Variants in RAB37 observed in about 807,000 individuals in gnomAD.
The protein encoded by RAB37 is RAB37, member RAS oncogene family, also known as ras-related protein Rab-37.
Under a neutral mutation model 33.1 loss-of-function variants are expected in RAB37, and 29 were observed. That is an observed-to-expected ratio of 0.88 (90% CI 0.65 to 1.20). RAB37 has a LOEUF of 1.20. RAB37 is among the 50% of genes most tolerant of loss of function. RAB37 has a pLI of 0.00. For missense variants in RAB37, 299 were observed against 301.1 expected (o/e 0.99, Z 0.05); for synonymous variants, 128 against 119.5 (o/e 1.07, Z -0.47).
At position 74,742,877 on chromosome 17, in the gene RAB37, G is replaced by A. The variant is rs993539477; in HGVS notation, c.247-252G>A. On this transcript the variant is annotated intron_variant, in intron 3 of 8. Coordinates refer to ENST00000392613, the MANE Select transcript of RAB37 (RefSeq NM_001006638.3). This position sits in a 1 kb window ranked among gnomAD's most constrained non-coding sequence, Gnocchi z 4.0. ...CCTGACCTCGTGATCCGCCTGCCTC[G>A]GCCTCCCAAAGTGCTGGGATTACAG... 1.3e-4 allele frequency among the ~76,000 whole-genome samples: 20 copies of A among 152,108 alleles called. 1 individual carries two copies. In the East Asian group the frequency reaches 2.1e-3, roughly 16 times the overall value.
At chr17:74,740,942 G>A in intron 2 of RAB37, 64 bp downstream of exon 2, 7 of 1,249,406 alleles carry the variant, frequency 5.6e-6, no homozygotes, top group South Asian at 1.2e-5. Context: ...GCATGGGGGG[G>A]TTGCCCCCAC....
At chr17:74,701,776 G>A (rs117244079) in intron 1 of RAB37, among the ~76,000 whole-genome samples, 1,544 of 151,880 alleles carry the variant, frequency 0.01, 26 homozygotes, top group Admixed American at 0.036. Flanking sequence ...CATGAACCTG[G>A]GAGGTGGAAG....
rs966776835 is a variant in RAB37 at position 74,742,612 on chromosome 17, CTT to C, written c.246+325_246+326del. Among the ~76,000 whole-genome samples, 4 of 151,070 alleles carry C rather than the reference CTT, an allele frequency of 2.6e-5. No homozygotes were observed. Among genetic ancestry groups the C allele is most frequent in the African/African-American group, 9.7e-5 (4 of 41,142 alleles). On this transcript the variant is annotated intron_variant, in intron 3 of 8. Transcript: ENST00000392613. The surrounding 1 kb of genome is among the most constrained non-coding windows in gnomAD (Gnocchi z 4.0). ...CTGAGCTAGGGGAGAGGAGAAGATT[CTT>C]TTTTTTTCTTTTCTTTTCTTTTTTT... is the stretch of plus-strand genomic sequence containing the variant.
chr17:74,721,434 T>C (rs2034238610), intron 1 of RAB37, among the ~76,000 whole-genome samples: 1 of 139,750 alleles, frequency 7.2e-6, no homozygotes, highest in African/African-American at 2.6e-5. Flanking sequence ...CTTGGTTTAC[T>C]TTTTTTTTTT....
intron 1 of RAB37, among the ~76,000 whole-genome samples, chr17:74,684,649 G>A (rs940882431): frequency 1.3e-5 from 2 of 151,904 alleles, no homozygotes; most frequent in African/African-American, 2.4e-5. Context: ...AGTTAGTCGC[G>A]CATGGTGGCG....
chr17:74,682,945 G>C (rs2031983925), intron 1 of RAB37, among the ~76,000 whole-genome samples: 1 of 152,158 alleles, frequency 6.6e-6, no homozygotes, highest in Non-Finnish European at 1.5e-5. Flanking sequence ...AGGGAAAATG[G>C]GATGGTGTCA....
upstream of RAB37, among the ~76,000 whole-genome samples, chr17:74,733,318 G>A (rs1389740273): frequency 2.0e-5 from 3 of 152,022 alleles, no homozygotes; most frequent in Non-Finnish European, 2.9e-5. Flanking sequence ...TATGAAGTGT[G>A]TGTTTGTGGT....
In RAB37 at chr17:74,740,645, C is replaced by A. The variant is rs2034589316; in HGVS notation, c.94-123C>A. 3 of 732,674 alleles carry A rather than the reference C, an allele frequency of 4.1e-6. No homozygotes were observed. In the South Asian group the frequency reaches 4.7e-5, roughly 11 times the overall value. 45.4% of individuals were successfully genotyped at this position (732,674 alleles called of 1,614,324 possible). A position where few individuals can be genotyped will look rare whatever the true frequency, so the allele number is the denominator to read the frequency against. The stretch of plus-strand genomic sequence containing the variant: ...CGGCTGGCTTTCTGGAAGCAGGTGG[C>A]CTTTGGTGCGGTCAGCATTCGTGCC... On this transcript the variant is annotated intron_variant, in intron 1 of 8. Coordinates refer to ENST00000392613, the MANE Select transcript of RAB37 (RefSeq NM_001006638.3).
intron 1 of RAB37, among the ~76,000 whole-genome samples, chr17:74,723,549 T>C (rs1402720834): frequency 1.3e-5 from 2 of 151,874 alleles, no homozygotes; most frequent in African/African-American, 2.4e-5. Flanking sequence ...GACCCAGAGG[T>C]TTCTGTCTGA....
chr17:74,717,122 C>T (rs1158506422), intron 1 of RAB37, among the ~76,000 whole-genome samples: 3 of 152,120 alleles, frequency 2.0e-5, no homozygotes, highest in Middle Eastern at 3.4e-3. Flanking sequence ...GCAACGAGAG[C>T]GAAACTCTGT....
chr17:74,721,729 C>T (rs898844584), intron 1 of RAB37, among the ~76,000 whole-genome samples: 9 of 152,142 alleles, frequency 5.9e-5, no homozygotes, highest in Middle Eastern at 6.8e-3. Flanking sequence ...ACGCCTGGTC[C>T]TCTTGGTTTA....
chr17:74,710,704 C>CA (rs1419997102), intron 1 of RAB37, among the ~76,000 whole-genome samples: 13 of 139,612 alleles, frequency 9.3e-5, no homozygotes, highest in African/African-American at 2.6e-4. Context: ...ACTAAAAATA[C>CA]GAAAAAAAAA....
intron 1 of RAB37, among the ~76,000 whole-genome samples, chr17:74,692,919 C>T (rs2032190284): frequency 6.6e-6 from 1 of 152,156 alleles, no homozygotes; most frequent in Non-Finnish European, 1.5e-5. Flanking sequence ...ATTTGAGAAC[C>T]CATCATGTGC....
intron 1 of RAB37, among the ~76,000 whole-genome samples, chr17:74,726,098 G>A (rs2034302756): frequency 6.6e-6 from 1 of 151,942 alleles, no homozygotes; most frequent in Admixed American, 6.5e-5. Flanking sequence ...AGCCAGGTGT[G>A]GTGGCGGGCG....
intron 1 of RAB37, among the ~76,000 whole-genome samples, chr17:74,705,012 C>T (rs1288983546): frequency 6.6e-6 from 1 of 152,196 alleles, no homozygotes; most frequent in African/African-American, 2.4e-5. Context: ...CACTGAAGAG[C>T]ACAACAACGG....
intron 1 of RAB37, among the ~76,000 whole-genome samples, chr17:74,720,009 A>G (rs926994494): frequency 3.9e-5 from 6 of 152,188 alleles, no homozygotes; most frequent in Non-Finnish European, 5.9e-5. Flanking sequence ...TCATCATACT[A>G]TATACATCAC....
intron 1 of RAB37, among the ~76,000 whole-genome samples, chr17:74,727,424 G>T (rs892899828): frequency 6.6e-6 from 1 of 152,242 alleles, no homozygotes; most frequent in Non-Finnish European, 1.5e-5. Flanking sequence ...AGGGCAGAAA[G>T]GTTGCATGGA....
At chr17:74,719,037 C>A (rs896962678) in intron 1 of RAB37, among the ~76,000 whole-genome samples, 1 of 152,118 alleles carries the variant, frequency 6.6e-6, no homozygotes, top group Non-Finnish European at 1.5e-5. Flanking sequence ...GTATCTTCTG[C>A]CCAGTGTTAA....
chr17:74,719,922 A>G (rs1313265794), intron 1 of RAB37, among the ~76,000 whole-genome samples: 1 of 152,232 alleles, frequency 6.6e-6, no homozygotes. Context: ...CTCAAAGGCA[A>G]TCCTCTTGGC....
Sources: allele counts gnomAD v4.1 joint callset (sites outside exome capture counted in the v4.1 genomes callset), GRCh38; gene constraint gnomAD v4.1.1; non-coding constraint Gnocchi (gnomAD v3.1); transcripts MANE v1.5; gene names NCBI Gene and HGNC (gene_info 2026-07-23, HGNC 2026-07-21).